Variants in RIMS4 observed in about 807,000 individuals in gnomAD.
RIMS4 encodes regulating synaptic membrane exocytosis protein 4.
A neutral mutation model predicts 29.0 loss-of-function variants in RIMS4; 9 were observed. The ratio of observed to expected loss-of-function variants is 0.31; its 90% confidence interval spans 0.19 to 0.54. RIMS4 has a LOEUF of 0.54. Ranked by LOEUF, RIMS4 falls within the 20% of genes least tolerant of loss-of-function variation. The pLI, the probability that RIMS4 is intolerant of heterozygous loss-of-function variation, is 0.94. For missense variants in RIMS4, 193 were observed against 365.7 expected, an observed-to-expected ratio of 0.53 and a Z score of 3.85; for synonymous variants, 130 against 152.9, an observed-to-expected ratio of 0.85 and a Z score of 1.10.
intron 1 of RIMS4, among the ~76,000 whole-genome samples, chr20:44,775,527 C>A (rs2066156279): frequency 6.6e-6 from 1 of 152,242 alleles, no homozygotes; most frequent in African/African-American, 2.4e-5. Flanking sequence ...TGAACCCTCA[C>A]CTCCTCTGCC....
At chr20:44,762,479 C>A (rs1392386764) in intron 2 of RIMS4, among the ~76,000 whole-genome samples, 1 of 152,106 alleles carries the variant, frequency 6.6e-6, no homozygotes, top group Non-Finnish European at 1.5e-5. Flanking sequence ...ATGGAAGGAG[C>A]GCAGCCTCCC....
chr20:44,761,641 T>TC (rs1170788204), intron 2 of RIMS4, among the ~76,000 whole-genome samples: 2 of 152,044 alleles, frequency 1.3e-5, no homozygotes, highest in Non-Finnish European at 2.9e-5. Context: ...CGTTATTAGC[T>TC]CCCCTCCCTT....
intron 1 of RIMS4, among the ~76,000 whole-genome samples, chr20:44,773,690 C>T (rs1339556459): frequency 6.6e-6 from 1 of 152,184 alleles, no homozygotes; most frequent in East Asian, 1.9e-4. Flanking sequence ...AACTCAGTCC[C>T]CCAGAGCTGT....
In RIMS4 at chr20:44,756,663, T is replaced by A. The variant is rs2066061539; in HGVS notation, c.591+235A>T. Among the ~76,000 whole-genome samples the A allele has an allele frequency of 6.6e-6, 1 of 152,112 alleles. No individual in the cohort carries two copies. The highest frequency in any genetic ancestry group is 1.9e-4 in the East Asian group (1 of 5,174). ...CACCAGAATGTTATCAGGTAGGTACTATTAGGGTCCCCGCTTTACAGATGA... is the reference window on the plus strand; with the variant it reads ...CACCAGAATGTTATCAGGTAGGTACAATTAGGGTCCCCGCTTTACAGATGA... On this transcript the variant is annotated intron_variant, in intron 5 of 5. Coordinates refer to ENST00000372851, the MANE Select transcript of RIMS4 (RefSeq NM_182970.4). The surrounding 1 kb of genome is among the most constrained non-coding windows in gnomAD (Gnocchi z 5.9).
intron 2 of RIMS4, 50 bp from the exon 3 acceptor site, chr20:44,758,234 A>C (rs1568893687): frequency 7.7e-7 from 1 of 1,293,730 alleles, no homozygotes; most frequent in Non-Finnish European, 1.1e-6. Flanking sequence ...TGGTTTACCA[A>C]CAACTCTGGA....
Position 44,754,672 on chromosome 20 carries a change from C to G in RIMS4, c.*1462G>C, listed in dbSNP as rs1397290771. On this transcript the variant is annotated 3_prime_UTR_variant, in exon 6 of 6. Coordinates refer to ENST00000372851, the MANE Select transcript of RIMS4 (RefSeq NM_182970.4). ...TGAGCCAGGCTGCCCCATCTAGGCCCAGGCCAGCGAGGAGACAGTGGTCTC... is the reference window on the plus strand; with the variant it reads ...TGAGCCAGGCTGCCCCATCTAGGCCGAGGCCAGCGAGGAGACAGTGGTCTC... 1 of 152,900 alleles carries G rather than the reference C, an allele frequency of 6.5e-6. No individual in the cohort carries two copies. The highest frequency in any genetic ancestry group is 1.5e-5 in the Non-Finnish European group (1 of 68,274). 9.5% of individuals were successfully genotyped at this position (152,900 alleles called of 1,614,324 possible).
chr20:44,776,684 C>A (rs6130688), intron 1 of RIMS4, among the ~76,000 whole-genome samples: 15,774 of 152,208 alleles, frequency 0.1, 1,233 homozygotes, highest in African/African-American at 0.21. Flanking sequence ...TAACATATAA[C>A]CCTCAGGATG....
intron 4 of RIMS4, among the ~76,000 whole-genome samples, chr20:44,757,426 G>A (rs185062178): frequency 6.6e-6 from 1 of 152,226 alleles, no homozygotes; most frequent in East Asian, 1.9e-4. Flanking sequence ...ATAATGATAA[G>A]CTGGAAAGAT....
rs1456647019 is a variant in RIMS4, at chr20:44,770,557, A to T, written c.236+718T>A. On this transcript the variant is annotated intron_variant, in intron 2 of 5. Transcript: ENST00000372851. ...ACCCCTAGTCTAGGTGAGTTGCTCTAGGGTAAAAGCTTTTTAACAGTGGAG... is the reference window on the plus strand; with the variant it reads ...ACCCCTAGTCTAGGTGAGTTGCTCTTGGGTAAAAGCTTTTTAACAGTGGAG... Among the ~76,000 whole-genome samples the T allele has an allele frequency of 3.3e-5, 5 of 152,258 alleles. No individual in the cohort carries two copies. The East Asian group carries it at 9.7e-4, about 29-fold the overall frequency.
chr20:44,797,390 A>G (rs2066259414), intron 1 of RIMS4, among the ~76,000 whole-genome samples: 1 of 152,194 alleles, frequency 6.6e-6, no homozygotes, highest in African/African-American at 2.4e-5. Context: ...CAGCTTGCTG[A>G]GTTCTGTGCT....
chr20:44,757,582 A>C (rs1018344563), intron 4 of RIMS4, 88 bp downstream of exon 4: 3 of 1,095,244 alleles, frequency 2.7e-6, no homozygotes, highest in African/African-American at 3.1e-5. Flanking sequence ...AGTTGGGCCC[A>C]ATTTTCTCTC....
At chr20:44,793,807 T>C (rs888146924) in intron 1 of RIMS4, among the ~76,000 whole-genome samples, 3 of 152,114 alleles carry the variant, frequency 2.0e-5, no homozygotes, top group Admixed American at 6.6e-5. Flanking sequence ...TGGTGGCTCA[T>C]GCTTGTAATC....
chr20:44,769,988 A>G (rs2066129896), intron 2 of RIMS4, among the ~76,000 whole-genome samples: 1 of 152,228 alleles, frequency 6.6e-6, no homozygotes, highest in Non-Finnish European at 1.5e-5. Context: ...GCTAGCCACA[A>G]GTTGCTAGCG....
chr20:44,761,910 C>G (rs2066087098), intron 2 of RIMS4, among the ~76,000 whole-genome samples: 1 of 152,182 alleles, frequency 6.6e-6, no homozygotes, highest in Non-Finnish European at 1.5e-5. Context: ...GGTATACCCA[C>G]TATTCTTGCA....
At position 44,755,881 on chromosome 20, in the gene RIMS4, C is replaced by T. The variant is rs1207104420; in HGVS notation, c.*253G>A. On this transcript the variant is annotated 3_prime_UTR_variant, in exon 6 of 6. Coordinates refer to ENST00000372851, the MANE Select transcript of RIMS4 (RefSeq NM_182970.4). ...CTCAATCTTTCCTTTCTCTGGACTG[C>T]AGCCACATCCACCAGGTCAAGAACC... 5 of 483,996 alleles carry T rather than the reference C, an allele frequency of 1.0e-5. No homozygotes were observed. The highest frequency in any genetic ancestry group is 1.9e-5 in the African/African-American group (1 of 52,336). 30.0% of individuals were successfully genotyped at this position (483,996 alleles called of 1,614,324 possible).
chr20:44,807,268 G>A (rs2066303034), intron 1 of RIMS4, among the ~76,000 whole-genome samples: 1 of 152,194 alleles, frequency 6.6e-6, no homozygotes. Context: ...AAAGAGGTGT[G>A]AAGAAGGCTC....
At chr20:44,789,360 C>T (rs1267805564) in intron 1 of RIMS4, among the ~76,000 whole-genome samples, 2 of 152,086 alleles carry the variant, frequency 1.3e-5, no homozygotes, top group Non-Finnish European at 2.9e-5. Flanking sequence ...TGCAGTGGAG[C>T]GATCTCGGCT....
In RIMS4 at chr20:44,810,495, C is replaced by CGGCGGCGGCGGCGGCGGCGGT. The variant is rs1243869190; in HGVS notation, c.-245_-225dup. On this transcript the variant is annotated 5_prime_UTR_variant, in exon 1 of 6. Transcript: ENST00000372851. Reference sequence around the variant, plus strand: ...AGCCCGAGGCGCGCTGTGCTGCTGGCGGCGGCGGCGGCGGCGGCGGTGGCG... The same window carrying CGGCGGCGGCGGCGGCGGCGGT: ...AGCCCGAGGCGCGCTGTGCTGCTGGCGGCGGCGGCGGCGGCGGCGGTGGCGGCGGCGGCGGCGGCGGTGGCG... Among the ~76,000 whole-genome samples, 5 of 124,776 alleles carry CGGCGGCGGCGGCGGCGGCGGT rather than the reference C, an allele frequency of 4.0e-5. No individual in the cohort carries two copies. Among genetic ancestry groups the CGGCGGCGGCGGCGGCGGCGGT allele is most frequent in the Non-Finnish European group, 7.9e-5 (5 of 63,270 alleles). 81.9% of individuals were successfully genotyped at this position (124,776 alleles called of 152,430 possible). A position where few individuals can be genotyped will look rare whatever the true frequency, so the allele number is the denominator to read the frequency against.
chr20:44,765,708 T>C (rs1470419884), intron 2 of RIMS4, among the ~76,000 whole-genome samples: 2 of 152,090 alleles, frequency 1.3e-5, no homozygotes, highest in Non-Finnish European at 2.9e-5. Context: ...CCGGGTTCAG[T>C]GGCCCTGCCA....
Sources: allele counts gnomAD v4.1 joint callset (sites outside exome capture counted in the v4.1 genomes callset), GRCh38; gene constraint gnomAD v4.1.1; non-coding constraint Gnocchi (gnomAD v3.1); transcripts MANE v1.5; gene names NCBI Gene and HGNC (gene_info 2026-07-23, HGNC 2026-07-21).